FCHSD2: variants seen among roughly 807,000 people sequenced by gnomAD.
FCHSD2 encodes the protein FCH and double SH3 domains 2.
Under a neutral mutation model 108.1 loss-of-function variants are expected in FCHSD2, and 38 were observed. The observed-to-expected ratio is 0.35, with a 90% CI of 0.27 to 0.46. FCHSD2 has a LOEUF of 0.46. FCHSD2 is among the 20% of genes least tolerant of loss of function. The pLI, the probability that FCHSD2 is intolerant of heterozygous loss-of-function variation, is 1.00. For missense variants in FCHSD2, 751 were observed against 897.8 expected, an observed-to-expected ratio of 0.84 and a Z score of 2.09; for synonymous variants, 279 against 314.7, an observed-to-expected ratio of 0.89 and a Z score of 1.20.
intron 2 of FCHSD2, among the ~76,000 whole-genome samples, chr11:73,110,558 G>C (rs1860459310): frequency 6.6e-6 from 1 of 151,608 alleles, no homozygotes; most frequent in Non-Finnish European, 1.5e-5. Flanking sequence ...CTTTGATTTT[G>C]AGTCTTTTCT....
intron 8 of FCHSD2, among the ~76,000 whole-genome samples, chr11:72,939,358 C>T (rs968622680): frequency 9.2e-5 from 14 of 152,086 alleles, no homozygotes; most frequent in Non-Finnish European, 1.5e-4. Flanking sequence ...ACAGATTGGG[C>T]CTCAAAAACC....
chr11:72,980,730 A>T (rs1355114113), intron 8 of FCHSD2, among the ~76,000 whole-genome samples: 1 of 150,006 alleles, frequency 6.7e-6, no homozygotes, highest in Non-Finnish European at 1.5e-5. Flanking sequence ...ATGTGTATAT[A>T]TATGTATATA....
At chr11:72,955,924 A>T (rs1856703080) in intron 8 of FCHSD2, among the ~76,000 whole-genome samples, 1 of 152,216 alleles carries the variant, frequency 6.6e-6, no homozygotes, top group Non-Finnish European at 1.5e-5. Context: ...GACTCAAAGT[A>T]ATAGCACACA....
intron 4 of FCHSD2, among the ~76,000 whole-genome samples, chr11:73,007,373 C>A (rs1857763279): frequency 6.6e-6 from 1 of 152,086 alleles, no homozygotes. Flanking sequence ...GTAATCCCAG[C>A]ATTTTGGGAG....
chr11:72,936,103 G>GA (rs1856294777), intron 8 of FCHSD2, among the ~76,000 whole-genome samples: 1 of 152,176 alleles, frequency 6.6e-6, no homozygotes, highest in African/African-American at 2.4e-5. Flanking sequence ...ATCACTCTGG[G>GA]AAGACACTGA....
chr11:72,931,271 G>GTTTTT (rs143086970), intron 8 of FCHSD2, among the ~76,000 whole-genome samples: 1 of 126,530 alleles, frequency 7.9e-6, no homozygotes, highest in Non-Finnish European at 1.6e-5. Flanking sequence ...ATTTTTGTGG[G>GTTTTT]TTTTTTTTTT....
chr11:73,116,129 T>C (rs1565097819), intron 2 of FCHSD2, among the ~76,000 whole-genome samples: 1 of 152,258 alleles, frequency 6.6e-6, no homozygotes. Context: ...ATAAGAGTTT[T>C]TATTCTGATT....
At chr11:72,940,596 C>A (rs866398117) in intron 8 of FCHSD2, 1 of 1,433,946 alleles carries the variant, frequency 7.0e-7, no homozygotes, top group East Asian at 2.3e-5. Flanking sequence ...ACTGCCAGCT[C>A]TCTGCTCTCC....
At chr11:72,880,040 G>A (rs1175069796) in intron 12 of FCHSD2, among the ~76,000 whole-genome samples, 5 of 127,182 alleles carry the variant, frequency 3.9e-5, no homozygotes, top group South Asian at 2.6e-4. Flanking sequence ...ATTTAAAATA[G>A]CTACCCAAAC....
At chr11:72,984,462 A>C (rs1857274647) in intron 7 of FCHSD2, among the ~76,000 whole-genome samples, 1 of 152,252 alleles carries the variant, frequency 6.6e-6, no homozygotes, top group Admixed American at 6.5e-5. Flanking sequence ...AGCTTTGTAG[A>C]TAACTTAAAA....
chr11:73,030,510 A>C (rs1443905271), intron 3 of FCHSD2, among the ~76,000 whole-genome samples: 1 of 152,128 alleles, frequency 6.6e-6, no homozygotes, highest in Non-Finnish European at 1.5e-5. Context: ...CCCTAAACAC[A>C]GAGTAACATT....
chr11:73,027,712 A>C (rs968743663), intron 3 of FCHSD2, among the ~76,000 whole-genome samples: 3 of 152,268 alleles, frequency 2.0e-5, no homozygotes, highest in Middle Eastern at 3.2e-3. Context: ...ACTCCCCGCC[A>C]TCACAGGCCC....
chr11:73,094,326 A>AAT (rs1860027435), intron 2 of FCHSD2, among the ~76,000 whole-genome samples: 1 of 152,224 alleles, frequency 6.6e-6, no homozygotes, highest in Admixed American at 6.5e-5. Context: ...CATTGGTGGG[A>AAT]ATGTAAAATG....
intron 8 of FCHSD2, among the ~76,000 whole-genome samples, chr11:72,945,951 C>A (rs562837216): frequency 2.1e-4 from 32 of 152,308 alleles, no homozygotes; most frequent in South Asian, 4.1e-4. Flanking sequence ...GTTGGTGGGA[C>A]TGTAAACTAG....
intron 8 of FCHSD2, among the ~76,000 whole-genome samples, chr11:72,935,992 C>T (rs1012685799): frequency 6.6e-6 from 1 of 152,194 alleles, no homozygotes; most frequent in Non-Finnish European, 1.5e-5. Context: ...GCTAAAACCA[C>T]ATAATATTTA....
At chr11:72,882,949 A>G (rs1855119479) in intron 12 of FCHSD2, among the ~76,000 whole-genome samples, 1 of 152,230 alleles carries the variant, frequency 6.6e-6, no homozygotes, top group African/African-American at 2.4e-5. Context: ...AGACTGTGAT[A>G]CTGGCATAAG....
At chr11:73,008,489 T>C (rs892482419) in intron 4 of FCHSD2, among the ~76,000 whole-genome samples, 1 of 152,010 alleles carries the variant, frequency 6.6e-6, no homozygotes, top group African/African-American at 2.4e-5. Context: ...GTAACAGAAA[T>C]AAAGACAAGG....
chr11:72,849,688 G>A, intron 14 of FCHSD2, 67 bp downstream of exon 14: 1 of 1,193,880 alleles, frequency 8.4e-7, no homozygotes, highest in Admixed American at 2.0e-5. Flanking sequence ...GAGACTGGAT[G>A]GATACAGTCA....
At chr11:72,888,269 T>A (rs1402673903) in intron 11 of FCHSD2, among the ~76,000 whole-genome samples, 1 of 152,164 alleles carries the variant, frequency 6.6e-6, no homozygotes, top group African/African-American at 2.4e-5. Flanking sequence ...AGATAACATT[T>A]TAAGACATGG....
Sources: gnomAD v4.1 joint callset for allele counts (sites outside exome capture counted in the v4.1 genomes callset) on GRCh38, gnomAD v4.1.1 for gene constraint, MANE v1.5 for transcripts, NCBI Gene and HGNC (gene_info 2026-07-23, HGNC 2026-07-21) for gene names.